MPPED1: variants seen among roughly 807,000 people sequenced by gnomAD.
The protein encoded by MPPED1 is metallophosphoesterase domain containing 1.
MPPED1 carries 16 observed loss-of-function variants against 36.2 expected under a neutral mutation model. The ratio of observed to expected loss-of-function variants is 0.44; its 90% CI spans 0.30 to 0.67. The LOEUF (loss-of-function observed/expected upper bound fraction) is 0.67, where lower values mean the gene tolerates loss of function less well. MPPED1 is among the 30% of genes least tolerant of loss of function. The pLI is 0.10. For synonymous variants in MPPED1, 199 were observed against 191.3 expected (o/e 1.04, Z -0.33); for missense variants, 307 against 453.4 (o/e 0.68, Z 2.93).
intron 3 of MPPED1, among the ~76,000 whole-genome samples, chr22:43,443,558 G>A (rs1299675942): frequency 6.6e-6 from 1 of 152,124 alleles, no homozygotes; most frequent in Non-Finnish European, 1.5e-5. Flanking sequence ...GGAGATGGCT[G>A]ACCTGGTATA....
chr22:43,432,896 GAGAGAGAGGGAA>G (rs1929806691), intron 2 of MPPED1, among the ~76,000 whole-genome samples: 3 of 44,508 alleles, frequency 6.7e-5, no homozygotes, highest in Admixed American at 2.5e-4. Context: ...AAAGGGAGGA[GAGAGAGAGGGAA>G]AGAGAAAGGG....
At chr22:43,444,279 G>GGTGTGTGT (rs35340638) in intron 3 of MPPED1, among the ~76,000 whole-genome samples, 2,787 of 141,960 alleles carry the variant, frequency 0.02, 23 homozygotes, top group African/African-American at 0.031. Flanking sequence ...GACCCACTGG[G>GGTGTGTGT]GTGTGTGTGT....
chr22:43,490,937 G>A (rs2146904222), intron 4 of MPPED1, among the ~76,000 whole-genome samples: 1 of 152,308 alleles, frequency 6.6e-6, no homozygotes, highest in Non-Finnish European at 1.5e-5. Context: ...CTTGGGAGCT[G>A]CCAGTGAGAC....
At chr22:43,443,057 A>G (rs1469942389) in intron 3 of MPPED1, among the ~76,000 whole-genome samples, 1 of 152,182 alleles carries the variant, frequency 6.6e-6, no homozygotes, top group Non-Finnish European at 1.5e-5. Flanking sequence ...ATGCAGTCAT[A>G]GGTGGTAAAT....
chr22:43,412,176 C>T lies in MPPED1; in HGVS notation c.-79+18C>T. The T allele has an allele frequency of 1.0e-6, 1 of 976,706 alleles. No homozygotes were observed. Among genetic ancestry groups the T allele is most frequent in the Non-Finnish European group, 1.2e-6 (1 of 825,244 alleles). The allele number at this position is 976,706 out of a possible 1,614,324, so 60.5% of individuals were successfully genotyped here. A position where few individuals can be genotyped will look rare whatever the true frequency, so the allele number is the denominator to read the frequency against. On this transcript the variant is annotated intron_variant, in intron 1 of 6. Transcript: ENST00000443721. The stretch of plus-strand genomic sequence containing the variant: ...GGGGCCAGGTAGGACCGGAGGCGGG[C>T]GGGGCGCGGCGGGCGCGGGCGGGAG...
At chr22:43,413,874 T>G (rs1383313655) in intron 1 of MPPED1, among the ~76,000 whole-genome samples, 1 of 152,242 alleles carries the variant, frequency 6.6e-6, no homozygotes, top group Non-Finnish European at 1.5e-5. Context: ...AGTGTGGGAC[T>G]GCCTTCCTAT....
chr22:43,472,114 C>A (rs757656666), intron 3 of MPPED1, among the ~76,000 whole-genome samples: 6 of 152,194 alleles, frequency 3.9e-5, no homozygotes, highest in Non-Finnish European at 7.3e-5. Flanking sequence ...TCCAAGGGGA[C>A]ACAGACACTC....
Position 43,495,500 on chromosome 22 carries a change from G to GTGGTGGTGA in MPPED1, c.633-2732_633-2731insTGGTGATGG, listed in dbSNP as rs1569088663. Among the ~76,000 whole-genome samples the GTGGTGGTGA allele has an allele frequency of 1.9e-3, 71 of 37,798 alleles. 2 individuals are homozygous for GTGGTGGTGA. The highest frequency in any genetic ancestry group is 9.6e-3 in the African/African-American group (39 of 4,042). The allele number at this position is 37,798 out of a possible 152,430, so 24.8% of individuals were successfully genotyped here. On this transcript the variant is annotated intron_variant, in intron 4 of 6. Transcript: ENST00000443721. The stretch of plus-strand genomic sequence containing the variant: ...GGAGGTGGTGGTGGAGGTAGTGGTG[G>GTGGTGGTGA]TGGAGGTGGTGGTGGTGGTGGAGGT...
rs1238294657 is a variant in MPPED1, at chr22:43,447,859, T to TTATATATATATATA, written c.406+12656_406+12669dup. On this transcript the variant is annotated intron_variant, in intron 3 of 6. Coordinates refer to ENST00000443721, the MANE Select transcript of MPPED1 (RefSeq NM_001044370.2). The stretch of plus-strand genomic sequence containing the variant: ...TAAAAATATTTTATATATGTAAATA[T>TTATATATATATATA]TATATATATATATATATATATATAT... 6.7e-3 allele frequency among the ~76,000 whole-genome samples: 420 copies of TTATATATATATATA among 62,412 alleles called. 14 individuals are homozygous for TTATATATATATATA. The highest frequency in any genetic ancestry group is 0.011 in the Admixed American group (43 of 3,756). The allele number at this position is 62,412 out of a possible 152,430, so 40.9% of individuals were successfully genotyped here.
rs75435842 is a variant in MPPED1 at position 43,465,377 on chromosome 22, C to T, written c.407-9359C>T. 6.0e-3 allele frequency among the ~76,000 whole-genome samples: 921 copies of T among 152,360 alleles called. 5 individuals are homozygous for T. Among genetic ancestry groups the T allele is most frequent in the Middle Eastern group, 0.041 (12 of 294 alleles). On this transcript the variant is annotated intron_variant, in intron 3 of 6. Transcript: ENST00000443721. ...TTGGCCTCTGGGGACATCCTGTAGCCGATCACTTAGGAGACCTTGGTTGAA... is the reference window on the plus strand; with the variant it reads ...TTGGCCTCTGGGGACATCCTGTAGCTGATCACTTAGGAGACCTTGGTTGAA...
intron 2 of MPPED1, among the ~76,000 whole-genome samples, chr22:43,432,862 GGGA>G (rs1929799157): frequency 2.0e-5 from 2 of 102,110 alleles, no homozygotes; most frequent in African/African-American, 6.9e-5. Flanking sequence ...GAGAGAGAAA[GGGA>G]GGAGAGAGAG....
intron 2 of MPPED1, among the ~76,000 whole-genome samples, chr22:43,425,955 C>G (rs1398651288): frequency 6.6e-6 from 1 of 152,170 alleles, no homozygotes; most frequent in Non-Finnish European, 1.5e-5. Flanking sequence ...CTGGATTTCC[C>G]GAGGACCTGG....
chr22:43,491,826 G>A (rs998242584), intron 4 of MPPED1, among the ~76,000 whole-genome samples: 7 of 150,806 alleles, frequency 4.6e-5, no homozygotes, highest in Non-Finnish European at 7.4e-5. Context: ...GATGATGGAG[G>A]TGGTGGTAAT....
intron 6 of MPPED1, among the ~76,000 whole-genome samples, chr22:43,503,453 T>G (rs1408650179): frequency 3.3e-5 from 5 of 152,134 alleles, no homozygotes; most frequent in Non-Finnish European, 5.9e-5. Flanking sequence ...ACTGACGTGG[T>G]TTCCCCCAGA....
intron 3 of MPPED1, among the ~76,000 whole-genome samples, chr22:43,442,794 C>A (rs1930195575): frequency 6.6e-6 from 1 of 152,204 alleles, no homozygotes; most frequent in Non-Finnish European, 1.5e-5. Context: ...CGTGTGTGCA[C>A]CCTGTGTGAA....
chr22:43,469,101 T>A (rs1330570225), intron 3 of MPPED1, among the ~76,000 whole-genome samples: 6 of 152,266 alleles, frequency 3.9e-5, no homozygotes, highest in African/African-American at 1.4e-4. Context: ...CCTAATCTCT[T>A]TCCACACCTG....
intron 1 of MPPED1, among the ~76,000 whole-genome samples, chr22:43,414,836 C>T (rs962275691): frequency 6.6e-6 from 1 of 152,132 alleles, no homozygotes; most frequent in African/African-American, 2.4e-5. Flanking sequence ...TGTCTGCCTG[C>T]CCTTCTGGAG....
At chr22:43,480,515 CTCAAG>C (rs1229203694) in intron 4 of MPPED1, among the ~76,000 whole-genome samples, 3 of 152,162 alleles carry the variant, frequency 2.0e-5, no homozygotes, top group Non-Finnish European at 4.4e-5. Flanking sequence ...TTGGGAAGTG[CTCAAG>C]TCTTTTGTCC....
At chr22:43,417,704 C>T (rs569392318) in intron 1 of MPPED1, 6 of 196,394 alleles carry the variant, frequency 3.1e-5, no homozygotes, top group African/African-American at 1.2e-4. Flanking sequence ...CATTTCGCCA[C>T]ATTGCAACAA....
Sources: allele counts gnomAD v4.1 joint callset (sites outside exome capture counted in the v4.1 genomes callset), GRCh38; gene constraint gnomAD v4.1.1; transcripts MANE v1.5; gene names NCBI Gene and HGNC (gene_info 2026-07-23, HGNC 2026-07-21).